TXNDC16: variants seen among roughly 807,000 people sequenced by gnomAD.
TXNDC16 encodes the protein thioredoxin domain containing 16.
TXNDC16 carries 74 observed loss-of-function variants against 85.6 expected under a neutral mutation model. The observed-to-expected ratio is 0.86, with a 90% CI of 0.72 to 1.05. The LOEUF (loss-of-function observed/expected upper bound fraction) is 1.05. Among genes scored for constraint, TXNDC16 ranks in the 50% least tolerant of loss-of-function variants. The pLI is 0.00. For synonymous variants in TXNDC16, 335 were observed against 326.5 expected, an observed-to-expected ratio of 1.03 and a Z score of -0.28; for missense variants, 959 against 947.0, an observed-to-expected ratio of 1.01 and a Z score of -0.17.
chr14:52,470,386 A>G lies in TXNDC16; in HGVS notation c.1481+126T>C, dbSNP rs1237027339. 2.6e-6 allele frequency: 3 copies of G among 1,169,668 alleles called. No individual in the cohort carries two copies. In the African/African-American group the frequency reaches 4.6e-5, roughly 18 times the overall value. The allele number at this position is 1,169,668 out of a possible 1,614,324, so 72.5% of individuals were successfully genotyped here. The stretch of plus-strand genomic sequence containing the variant: ...TTGAAATGTACACAGACTTTCATAA[A>G]TATTCATTTTGTGATCTCAATTCTA... On this transcript the variant is annotated intron_variant, in intron 15 of 20. Transcript: ENST00000281741.
At chr14:52,502,887 T>G (rs566235920) in intron 9 of TXNDC16, among the ~76,000 whole-genome samples, 185 of 152,334 alleles carry the variant, frequency 1.2e-3, no homozygotes, top group Non-Finnish European at 1.9e-3. Flanking sequence ...AACACTGCGC[T>G]TTTCCAACGG....
intron 7 of TXNDC16, among the ~76,000 whole-genome samples, chr14:52,515,669 ATGTGTGTG>A (rs57407287): frequency 0.018 from 2,531 of 144,326 alleles, 64 homozygotes; most frequent in African/African-American, 0.052. Flanking sequence ...TTTCATACAT[ATGTGTGTG>A]TGTGTGTGTG....
At chr14:52,514,597 G>A (rs1013944545) in intron 8 of TXNDC16, among the ~76,000 whole-genome samples, 3 of 152,128 alleles carry the variant, frequency 2.0e-5, no homozygotes, top group East Asian at 3.8e-4. Flanking sequence ...CACCGCAGGA[G>A]AACCATTCCT....
intron 9 of TXNDC16, among the ~76,000 whole-genome samples, chr14:52,493,815 C>T (rs1482849462): frequency 6.6e-6 from 1 of 151,874 alleles, no homozygotes; most frequent in African/African-American, 2.4e-5. Flanking sequence ...GTCTTGCTCT[C>T]TCACCCAGGC....
chr14:52,542,885 C>T (rs185466712), intron 3 of TXNDC16, among the ~76,000 whole-genome samples: 69 of 152,058 alleles, frequency 4.5e-4, no homozygotes, highest in African/African-American at 1.6e-3. Flanking sequence ...AAGAATAGTA[C>T]TTTTAAGACA....
At chr14:52,491,484 C>G (rs1431179647) in intron 9 of TXNDC16, among the ~76,000 whole-genome samples, 1 of 151,482 alleles carries the variant, frequency 6.6e-6, no homozygotes. Context: ...AGGCATGAGC[C>G]ATCGTGCCTG....
At chr14:52,490,791 A>C in intron 10 of TXNDC16, 48 bp downstream of exon 10, 1 of 1,561,766 alleles carries the variant, frequency 6.4e-7, no homozygotes, top group Non-Finnish European at 8.7e-7. Context: ...AAACGTGGAA[A>C]CTATTAGCGT....
In TXNDC16 at chr14:52,470,832, C is replaced by T. The variant is rs376349795; in HGVS notation, c.1313-152G>A. On this transcript the variant is annotated intron_variant, in intron 14 of 20. Coordinates refer to ENST00000281741, the MANE Select transcript of TXNDC16 (RefSeq NM_020784.3). ...CTCTCTTCCCTTGATCTTTGCAACA[C>T]CATTCCCTGTTGGCCTTTTCCCTTC... The T allele has an allele frequency of 1.5e-5, 10 of 669,814 alleles. 1 individual carries two copies. The African/African-American group carries it at 1.5e-4, about 10-fold the overall frequency. 41.5% of individuals were successfully genotyped at this position (669,814 alleles called of 1,614,324 possible). A position where few individuals can be genotyped will look rare whatever the true frequency, so the allele number is the denominator to read the frequency against.
chr14:52,530,456 TAATATA>T (rs2037517271), intron 6 of TXNDC16, among the ~76,000 whole-genome samples: 1 of 10,976 alleles, frequency 9.1e-5, no homozygotes, highest in Non-Finnish European at 1.3e-4. Flanking sequence ...TATTATATAA[TAATATA>T]TATTATATAT....
intron 14 of TXNDC16, among the ~76,000 whole-genome samples, chr14:52,478,756 T>C (rs546899975): frequency 1.2e-4 from 18 of 151,952 alleles, no homozygotes; most frequent in Non-Finnish European, 1.6e-4. Context: ...TTGGTACCAA[T>C]CCTATTGACA....
chr14:52,437,795 G>T (rs1471412455), intron 20 of TXNDC16, among the ~76,000 whole-genome samples: 1 of 152,150 alleles, frequency 6.6e-6, no homozygotes, highest in African/African-American at 2.4e-5. Flanking sequence ...CATTCAAACG[G>T]AAAATAGGTC....
intron 9 of TXNDC16, among the ~76,000 whole-genome samples, chr14:52,491,398 A>G (rs1039482680): frequency 1.7e-5 from 2 of 114,470 alleles, no homozygotes; most frequent in African/African-American, 6.9e-5. Context: ...AGGTCTCCCT[A>G]TGTTGCCCAG....
chr14:52,496,993 G>C (rs2036547832), intron 9 of TXNDC16, among the ~76,000 whole-genome samples: 1 of 151,946 alleles, frequency 6.6e-6, no homozygotes, highest in Non-Finnish European at 1.5e-5. Context: ...TCATAGGGTA[G>C]TATCATAAAA....
At position 52,533,286 on chromosome 14, in the gene TXNDC16, G is replaced by GA. The variant is rs549125193; in HGVS notation, c.392+3432dup. On this transcript the variant is annotated intron_variant, in intron 6 of 20. Coordinates refer to ENST00000281741, the MANE Select transcript of TXNDC16 (RefSeq NM_020784.3). ...GAGCTGGGTAGCATGAGGTAGGAAA[G>GA]AAGAGATCAAGAATTAACAAGTTTG... Among the ~76,000 whole-genome samples, 12 of 152,268 alleles carry GA rather than the reference G, an allele frequency of 7.9e-5. No homozygotes were observed. In the South Asian group the frequency reaches 2.1e-3, roughly 26 times the overall value.
At chr14:52,494,801 CATGCAGGAAG>C (rs1408305860) in intron 9 of TXNDC16, among the ~76,000 whole-genome samples, 1 of 152,180 alleles carries the variant, frequency 6.6e-6, no homozygotes, top group Non-Finnish European at 1.5e-5. Context: ...TGTAAAATTA[CATGCAGGAAG>C]ATGTAGGAAT....
chr14:52,496,526 A>G (rs1053647958), intron 9 of TXNDC16, among the ~76,000 whole-genome samples: 1 of 146,138 alleles, frequency 6.8e-6, no homozygotes, highest in Non-Finnish European at 1.5e-5. Flanking sequence ...ATTTTGTGCT[A>G]TTTCTGTCTC....
chr14:52,537,399 G>C (rs2037728511), intron 5 of TXNDC16, among the ~76,000 whole-genome samples, 200 bp downstream of exon 5: 1 of 152,120 alleles, frequency 6.6e-6, no homozygotes, highest in African/African-American at 2.4e-5. Context: ...TTGTGATGTA[G>C]GTATTACTCT....
chr14:52,552,249 T>A (rs1309445589), intron 1 of TXNDC16, 67 bp downstream of exon 1: 1 of 152,450 alleles, frequency 6.6e-6, no homozygotes, highest in Non-Finnish European at 1.5e-5. Flanking sequence ...TACAGAAAGC[T>A]GCTTCGTCTG....
At chr14:52,541,147 A>G (rs2037822084) in intron 4 of TXNDC16, among the ~76,000 whole-genome samples, 1 of 152,120 alleles carries the variant, frequency 6.6e-6, no homozygotes, top group South Asian at 2.1e-4. Context: ...GAGGCAAGAG[A>G]ATCGCTTGAA....
Sources: gnomAD v4.1 joint callset for allele counts (sites outside exome capture counted in the v4.1 genomes callset) on GRCh38, gnomAD v4.1.1 for gene constraint, MANE v1.5 for transcripts, NCBI Gene and HGNC (gene_info 2026-07-23, HGNC 2026-07-21) for gene names.